The following CTNNBL1 variants were observed in gnomAD, a reference collection of about 807,000 sequenced individuals.
CTNNBL1 encodes the protein catenin beta like 1.
CTNNBL1 carries 31 observed loss-of-function variants against 72.7 expected under a neutral mutation model. The observed-to-expected ratio is 0.43, with a 90% confidence interval of 0.32 to 0.58. The LOEUF (loss-of-function observed/expected upper bound fraction) is 0.58, where lower values mean the gene tolerates loss of function less well. Among genes scored for constraint, CTNNBL1 ranks in the 20% least tolerant of loss-of-function variants. CTNNBL1 has a pLI of 0.08. For missense variants in CTNNBL1, 534 were observed against 725.1 expected (o/e 0.74, Z 3.03); for synonymous variants, 240 against 267.3 (o/e 0.90, Z 1.00).
At position 37,757,644 on chromosome 20, in the gene CTNNBL1, C is replaced by T. The variant is rs770322232; in HGVS notation, c.552C>T (p.Leu184=). 3 of 1,612,882 alleles carry T rather than the reference C, an allele frequency of 1.9e-6. No individual in the cohort carries two copies. The South Asian group carries it at 3.3e-5, about 18-fold the overall frequency. Residue 184 remains leucine (L), a synonymous_variant, in exon 5 of 16, where the codon CTC becomes CTT. Coordinates refer to ENST00000361383, the MANE Select transcript of CTNNBL1 (RefSeq NM_030877.5). ...LHESEEGAEV[L]IDALVDGQVV... is the part of the protein sequence containing the mutation. The stretch of plus-strand genomic sequence containing the variant: ...AGAGTGAAGAGGGAGCAGAAGTGCT[C>T]ATCGATGCTCTGGTAAGTTGCACAT...
At chr20:37,864,326 A>T (rs973857699) in intron 15 of CTNNBL1, among the ~76,000 whole-genome samples, 1 of 151,924 alleles carries the variant, frequency 6.6e-6, no homozygotes, top group African/African-American at 2.4e-5. Flanking sequence ...TTTCTTTAAC[A>T]TACTAATTAG....
chr20:37,776,299 T>G (rs1358711974), intron 7 of CTNNBL1, among the ~76,000 whole-genome samples: 1 of 152,230 alleles, frequency 6.6e-6, no homozygotes, highest in African/African-American at 2.4e-5. Flanking sequence ...CACAGAAAAC[T>G]GAAATGATAC....
chr20:37,847,056 C>A (rs951776374), intron 13 of CTNNBL1, among the ~76,000 whole-genome samples: 1 of 152,144 alleles, frequency 6.6e-6, no homozygotes, highest in African/African-American at 2.4e-5. Context: ...AAGGAAGATA[C>A]GGCGAGTCAC....
intron 13 of CTNNBL1, among the ~76,000 whole-genome samples, chr20:37,851,206 G>A (rs1011589359): frequency 2.6e-5 from 4 of 152,152 alleles, no homozygotes; most frequent in Admixed American, 6.5e-5. Context: ...ATGCTGCTGC[G>A]AATTGCAGTC....
chr20:37,821,134 A>G lies in CTNNBL1; in HGVS notation c.1213+18086A>G, dbSNP rs6021141. ...CTGACTGAGATGCTCTTTTACCCAC[A>G]TCTCTGTAAGACTGATTACTTACTC... On this transcript the variant is annotated intron_variant, in intron 11 of 15. Coordinates refer to ENST00000361383, the MANE Select transcript of CTNNBL1 (RefSeq NM_030877.5). Among the ~76,000 whole-genome samples the G allele has an allele frequency of 1.0e-3, 157 of 152,192 alleles. 2 individuals carry two copies. Among genetic ancestry groups the G allele is most frequent in the African/African-American group, 3.5e-3 (146 of 41,524 alleles).
chr20:37,738,135 T>C (rs544425938), intron 3 of CTNNBL1, among the ~76,000 whole-genome samples: 1 of 152,364 alleles, frequency 6.6e-6, no homozygotes, highest in South Asian at 2.1e-4. Flanking sequence ...CAAAGAAGAC[T>C]GATCGTGCCT....
intron 4 of CTNNBL1, among the ~76,000 whole-genome samples, chr20:37,747,447 A>G (rs935036259): frequency 2.0e-5 from 3 of 150,978 alleles, no homozygotes; most frequent in African/African-American, 7.3e-5. Flanking sequence ...TGTTGAGTGC[A>G]TGTTGGACCT....
intron 11 of CTNNBL1, among the ~76,000 whole-genome samples, chr20:37,811,040 T>A (rs1350220949): frequency 1.3e-5 from 2 of 152,356 alleles, no homozygotes; most frequent in Middle Eastern, 3.4e-3. Context: ...GGAATGAGGA[T>A]GAGTTTCCAG....
At chr20:37,694,249 C>G (rs2072768962) in intron 1 of CTNNBL1, 97 bp downstream of exon 1, 4 of 1,146,272 alleles carry the variant, frequency 3.5e-6, no homozygotes, top group Non-Finnish European at 3.6e-6. Context: ...CGCCTCACTC[C>G]CGGGCCCTCT....
At chr20:37,852,401 AG>A (rs956372021) in intron 13 of CTNNBL1, among the ~76,000 whole-genome samples, 6 of 152,184 alleles carry the variant, frequency 3.9e-5, no homozygotes, top group Non-Finnish European at 8.8e-5. Flanking sequence ...TCTTTGTCAC[AG>A]GGAAGATGAA....
At position 37,820,036 on chromosome 20, in the gene CTNNBL1, A is replaced by G. The variant is rs6021133; in HGVS notation, c.1213+16988A>G. 1.0e-3 allele frequency among the ~76,000 whole-genome samples: 156 copies of G among 152,012 alleles called. 2 individuals are homozygous for G. Among genetic ancestry groups the G allele is most frequent in the African/African-American group, 3.5e-3 (146 of 41,460 alleles). On this transcript the variant is annotated intron_variant, in intron 11 of 15. Coordinates refer to ENST00000361383, the MANE Select transcript of CTNNBL1 (RefSeq NM_030877.5). ...ACTATAAGCACGCACCATCACAGCCAGTTAATTTTTTTTTATTTTTAGTAG... is the reference window on the plus strand; with the variant it reads ...ACTATAAGCACGCACCATCACAGCCGGTTAATTTTTTTTTATTTTTAGTAG...
chr20:37,720,583 G>A (rs1172483515), intron 1 of CTNNBL1, among the ~76,000 whole-genome samples: 1 of 152,174 alleles, frequency 6.6e-6, no homozygotes, highest in Non-Finnish European at 1.5e-5. Flanking sequence ...GCTGGATTAA[G>A]GCCCAGACAT....
chr20:37,731,027 A>G (rs924740771), intron 1 of CTNNBL1, among the ~76,000 whole-genome samples: 1 of 152,178 alleles, frequency 6.6e-6, no homozygotes, highest in African/African-American at 2.4e-5. Flanking sequence ...GTATATATTT[A>G]TAGGGTACAA....
intron 1 of CTNNBL1, among the ~76,000 whole-genome samples, chr20:37,715,209 A>G (rs976086639): frequency 6.6e-6 from 1 of 152,236 alleles, no homozygotes; most frequent in African/African-American, 2.4e-5. Flanking sequence ...TGTCATAGAA[A>G]GAGCCTTAGG....
intron 11 of CTNNBL1, among the ~76,000 whole-genome samples, chr20:37,810,634 A>G (rs1448031649): frequency 1.3e-5 from 2 of 152,224 alleles, no homozygotes; most frequent in African/African-American, 2.4e-5. Flanking sequence ...AAGCCCAGAG[A>G]AAGGAGTATC....
intron 1 of CTNNBL1, among the ~76,000 whole-genome samples, chr20:37,726,992 A>C (rs914673451): frequency 1.3e-5 from 2 of 152,180 alleles, no homozygotes; most frequent in African/African-American, 4.8e-5. Context: ...ATGTGATAAT[A>C]TAGATTGCGT....
chr20:37,784,327 G>C (rs2073653209), intron 10 of CTNNBL1, among the ~76,000 whole-genome samples: 1 of 152,070 alleles, frequency 6.6e-6, no homozygotes, highest in South Asian at 2.1e-4. Flanking sequence ...CTTGTGACTG[G>C]AGAGTTTCGT....
At chr20:37,727,246 T>A (rs1167021918) in intron 1 of CTNNBL1, 1 of 613,244 alleles carries the variant, frequency 1.6e-6, no homozygotes, top group Admixed American at 6.3e-5. Flanking sequence ...ATTGCTTATT[T>A]AATTTTTTTA....
At chr20:37,749,849 A>G (rs979177865) in intron 4 of CTNNBL1, 6 of 152,122 alleles carry the variant, frequency 3.9e-5, no homozygotes, top group African/African-American at 1.4e-4. Flanking sequence ...GATCTATAAT[A>G]GAAATTTTTC....
Sources: gnomAD v4.1 joint callset for allele counts (sites outside exome capture counted in the v4.1 genomes callset) on GRCh38, gnomAD v4.1.1 for gene constraint, MANE v1.5 for transcripts, NCBI Gene and HGNC (gene_info 2026-07-23, HGNC 2026-07-21) for gene names.